The following GRIA1 variants were observed in gnomAD, a reference collection of about 807,000 sequenced individuals.
GRIA1 encodes the protein glutamate receptor 1.
In GRIA1, 31 loss-of-function variants were observed where a neutral mutation model predicts 99.2. The observed-to-expected ratio is 0.31, with a 90% CI of 0.23 to 0.42. The LOEUF (loss-of-function observed/expected upper bound fraction) is 0.42. Among genes scored for constraint, GRIA1 ranks in the 10% least tolerant of loss-of-function variants. GRIA1 has a pLI of 1.00. For synonymous variants in GRIA1, 438 were observed against 432.4 expected (o/e 1.01, Z -0.16); for missense variants, 782 against 1,157.5 (o/e 0.68, Z 4.71).
chr5:153,653,118 C>T (rs1470477028), intron 4 of GRIA1, among the ~76,000 whole-genome samples: 8 of 152,148 alleles, frequency 5.3e-5, no homozygotes, highest in Admixed American at 3.9e-4. Context: ...CTGCTGAGTC[C>T]ACAATGCCTT....
intron 2 of GRIA1, among the ~76,000 whole-genome samples, chr5:153,585,410 G>A (rs999715201): frequency 8.0e-5 from 11 of 137,146 alleles, no homozygotes; most frequent in Non-Finnish European, 1.7e-4. Context: ...CCGGGTCCAA[G>A]CAATTTTCCT....
intron 11 of GRIA1, among the ~76,000 whole-genome samples, chr5:153,743,819 G>A (rs1441086210): frequency 6.6e-6 from 1 of 152,212 alleles, no homozygotes; most frequent in Non-Finnish European, 1.5e-5. Flanking sequence ...ACACCAGGGG[G>A]CAGAGGTCAT....
At chr5:153,532,132 T>C (rs1484148514) in intron 2 of GRIA1, among the ~76,000 whole-genome samples, 5 of 152,210 alleles carry the variant, frequency 3.3e-5, no homozygotes, top group African/African-American at 1.2e-4. Flanking sequence ...GGTAATAATA[T>C]AGAATTGAAT....
chr5:153,614,676 TTAG>T (rs1193663265), intron 2 of GRIA1, among the ~76,000 whole-genome samples: 1 of 152,204 alleles, frequency 6.6e-6, no homozygotes, highest in Non-Finnish European at 1.5e-5. Flanking sequence ...CCTTAATCAA[TTAG>T]TAGCAAAACT....
intron 14 of GRIA1, among the ~76,000 whole-genome samples, chr5:153,800,431 C>T (rs771254303): frequency 1.3e-5 from 2 of 152,182 alleles, no homozygotes; most frequent in Non-Finnish European, 2.9e-5. Context: ...TTTACCTGTT[C>T]AGCCAACTCT....
intron 2 of GRIA1, among the ~76,000 whole-genome samples, chr5:153,634,209 T>C (rs1045396294): frequency 2.6e-5 from 4 of 151,316 alleles, no homozygotes; most frequent in Non-Finnish European, 4.4e-5. Flanking sequence ...TCCCAGCTAC[T>C]CGGGAGGCTG....
At chr5:153,595,078 CCTTT>C (rs1182094713) in intron 2 of GRIA1, among the ~76,000 whole-genome samples, 1 of 152,034 alleles carries the variant, frequency 6.6e-6, no homozygotes, top group Non-Finnish European at 1.5e-5. Flanking sequence ...TGTTGTACTT[CCTTT>C]GTCTTCTCTT....
chr5:153,781,630 G>T (rs1412938300), intron 13 of GRIA1, among the ~76,000 whole-genome samples: 1 of 152,162 alleles, frequency 6.6e-6, no homozygotes, highest in Non-Finnish European at 1.5e-5. Context: ...CAAATCAGTT[G>T]CTGTGCCTGG....
intron 2 of GRIA1, among the ~76,000 whole-genome samples, chr5:153,630,056 T>C (rs1752827118): frequency 6.6e-6 from 1 of 152,060 alleles, no homozygotes; most frequent in South Asian, 2.1e-4. Context: ...TCCACTATTA[T>C]CAGTTCTGTG....
intron 2 of GRIA1, among the ~76,000 whole-genome samples, chr5:153,562,217 G>A (rs1761192579): frequency 6.6e-6 from 1 of 152,166 alleles, no homozygotes. Context: ...CCAAGTTAAG[G>A]GAAGTGTCAT....
chr5:153,587,132 C>G (rs1763559098), intron 2 of GRIA1, among the ~76,000 whole-genome samples: 1 of 152,140 alleles, frequency 6.6e-6, no homozygotes, highest in African/African-American at 2.4e-5. Flanking sequence ...ATCCCCAATG[C>G]TGAAGGTGGG....
intron 11 of GRIA1, among the ~76,000 whole-genome samples, chr5:153,751,213 TTCTCTTGACAAACAATGACA>T (rs1762491028): frequency 3.9e-5 from 6 of 152,368 alleles, no homozygotes; most frequent in Admixed American, 6.5e-5. Flanking sequence ...CCTGAGCCCA[TTCTCTTGACAAACAATGACA>T]GTGCCCTCTG....
intron 5 of GRIA1, among the ~76,000 whole-genome samples, chr5:153,668,697 A>G (rs1755928112): frequency 6.6e-6 from 1 of 152,226 alleles, no homozygotes. Context: ...GGGGACACTA[A>G]TAGGCTTCAG....
chr5:153,770,091 C>T, intron 12 of GRIA1, 77 bp from the exon 13 acceptor site: 1 of 1,438,640 alleles, frequency 7.0e-7, no homozygotes, highest in African/African-American at 1.4e-5. Flanking sequence ...TCAAGCTACA[C>T]TCAGCTCTTC....
chr5:153,724,543 A>G (rs1760353082), intron 11 of GRIA1, among the ~76,000 whole-genome samples: 1 of 152,266 alleles, frequency 6.6e-6, no homozygotes, highest in Admixed American at 6.5e-5. Flanking sequence ...AATACAGAGA[A>G]GTGCTCAAAG....
At chr5:153,745,238 C>T (rs10063691) in intron 11 of GRIA1, among the ~76,000 whole-genome samples, 1 of 151,494 alleles carries the variant, frequency 6.6e-6, no homozygotes, top group African/African-American at 2.4e-5. Flanking sequence ...TGTTTATGTT[C>T]GTCCCTTCCT....
chr5:153,580,548 T>G (rs2149374633), intron 2 of GRIA1, among the ~76,000 whole-genome samples: 1 of 152,332 alleles, frequency 6.6e-6, no homozygotes, highest in East Asian at 1.9e-4. Flanking sequence ...TAAGCTTCTC[T>G]CTTGGTGAAA....
intron 13 of GRIA1, among the ~76,000 whole-genome samples, chr5:153,778,680 CACACACAT>C (rs1464151351): frequency 2.0e-4 from 31 of 151,626 alleles, no homozygotes; most frequent in African/African-American, 7.0e-4. Context: ...CACACACACA[CACACACAT>C]ACACGCACAC....
At chr5:153,701,497 CT>C (rs1233774738) in intron 10 of GRIA1, among the ~76,000 whole-genome samples, 1 of 151,346 alleles carries the variant, frequency 6.6e-6, no homozygotes, top group African/African-American at 2.4e-5. Context: ...GCCTGTAGTC[CT>C]AGGAATTCGG....
Sources: gnomAD v4.1 joint callset for allele counts (sites outside exome capture counted in the v4.1 genomes callset) on GRCh38, gnomAD v4.1.1 for gene constraint, MANE v1.5 for transcripts, NCBI Gene and HGNC (gene_info 2026-07-23, HGNC 2026-07-21) for gene names.